Variants in DGKG observed in about 807,000 individuals in gnomAD.
DGKG encodes DAG kinase gamma.
Under a neutral mutation model 105.3 loss-of-function variants are expected in DGKG, and 78 were observed. That is an observed-to-expected ratio of 0.74 (90% CI 0.62 to 0.89). DGKG has a LOEUF of 0.89. DGKG is among the 40% of genes least tolerant of loss of function. DGKG has a pLI of 0.00. For missense variants in DGKG, 958 were observed against 1,020.1 expected (o/e 0.94, Z 0.83); for synonymous variants, 346 against 367.1 (o/e 0.94, Z 0.66).
Position 186,298,189 on chromosome 3 carries a change from T to C in DGKG, c.185A>G (p.Tyr62Cys), listed in dbSNP as rs1264564376. 4 of 1,613,008 alleles carry C rather than the reference T, an allele frequency of 2.5e-6. No individual in the cohort carries two copies. The highest frequency in any genetic ancestry group is 2.5e-6 in the Non-Finnish European group (3 of 1,179,614). The change falls in exon 4 of 25, where the codon TAC becomes TGC. Residue 62 changes from tyrosine to cysteine, a missense_variant. Tyr to Cys is a radical substitution (Grantham distance 194). Around this residue, in one of 2 missense-constraint regions of DGKG, gnomAD observed 643 missense variants for 619.5 expected, o/e 1.04. Coordinates refer to ENST00000265022, the MANE Select transcript of DGKG (RefSeq NM_001346.3). ...YDVFKLFMRA[Y>C]LEVDLPQPLS... ...TGGCTGGGGAAGGTCCACCTCCAGGTACGCCCTCATGAACAGCTTGAAGAC... is the reference window on the plus strand; with the variant it reads ...TGGCTGGGGAAGGTCCACCTCCAGGCACGCCCTCATGAACAGCTTGAAGAC...
intron 19 of DGKG, among the ~76,000 whole-genome samples, chr3:186,249,621 C>T (rs1272527415): frequency 3.3e-5 from 5 of 152,148 alleles, no homozygotes; most frequent in Non-Finnish European, 7.3e-5. Flanking sequence ...GCAGGTGGAT[C>T]GTTTGAGGTC....
At chr3:186,241,100 G>T (rs996478191) in intron 20 of DGKG, among the ~76,000 whole-genome samples, 1 of 152,062 alleles carries the variant, frequency 6.6e-6, no homozygotes. Context: ...CCCACAGATC[G>T]CTCTTTCTGA....
chr3:186,178,405 C>T (rs1165164992), intron 22 of DGKG, among the ~76,000 whole-genome samples: 2 of 152,078 alleles, frequency 1.3e-5, no homozygotes, highest in African/African-American at 4.8e-5. Flanking sequence ...TCAAGATGGG[C>T]AAGTGCAAGA....
intron 12 of DGKG, 74 bp downstream of exon 12, chr3:186,268,727 T>G: frequency 1.8e-6 from 2 of 1,092,688 alleles, no homozygotes; most frequent in South Asian, 2.6e-5. Flanking sequence ...TGGCCGGATA[T>G]TCACTGCTCC....
intron 2 of DGKG, among the ~76,000 whole-genome samples, chr3:186,310,127 C>A (rs1724452336): frequency 6.6e-6 from 1 of 150,576 alleles, no homozygotes; most frequent in African/African-American, 2.4e-5. Flanking sequence ...ATTAGCCGGG[C>A]GTGGTGGCAC....
intron 2 of DGKG, among the ~76,000 whole-genome samples, chr3:186,310,290 C>CAAAAAAAAAA (rs886723244): frequency 5.7e-5 from 4 of 69,842 alleles, no homozygotes; most frequent in Non-Finnish European, 1.1e-4. Flanking sequence ...AAAAAAAAAA[C>CAAAAAAAAAA]CACACACACA....
intron 13 of DGKG, 118 bp downstream of exon 13, chr3:186,267,567 C>A: frequency 1.3e-6 from 1 of 785,770 alleles, no homozygotes; most frequent in South Asian, 1.6e-5. Flanking sequence ...GAAAAGAAAA[C>A]ACAAACCCAA....
intron 24 of DGKG, among the ~76,000 whole-genome samples, chr3:186,154,303 T>C (rs557366961): frequency 6.6e-6 from 1 of 152,138 alleles, no homozygotes; most frequent in East Asian, 1.9e-4. Context: ...GATCCTAGAA[T>C]GTGCTGCTTC....
Position 186,210,376 on chromosome 3 carries a change from G to A in DGKG, c.1917+1419C>T, listed in dbSNP as rs941581526. 6.6e-6 allele frequency among the ~76,000 whole-genome samples: 1 copy of A among 152,214 alleles called. No individual in the cohort carries two copies. Among genetic ancestry groups the A allele is most frequent in the Non-Finnish European group, 1.5e-5 (1 of 68,042 alleles). On this transcript the variant is annotated intron_variant, in intron 21 of 24. Coordinates refer to ENST00000265022, the MANE Select transcript of DGKG (RefSeq NM_001346.3). This position sits in a 1 kb window ranked among gnomAD's most constrained non-coding sequence, Gnocchi z 5.2. ...CTCCTTCCTCAGCTCCCAGCACTGC[G>A]TTCACACGTCAAGAGAGGAGGACCG...
At chr3:186,355,153 T>C (rs981807256) in intron 1 of DGKG, among the ~76,000 whole-genome samples, 1 of 28,334 alleles carries the variant, frequency 3.5e-5, no homozygotes, top group African/African-American at 1.8e-4. Flanking sequence ...CCATTATCAT[T>C]ATCACCACCA....
In DGKG at chr3:186,210,957, G is replaced by T. The variant is rs1016970369; in HGVS notation, c.1917+838C>A. Among the ~76,000 whole-genome samples, 1 of 152,194 alleles carries T rather than the reference G, an allele frequency of 6.6e-6. No individual in the cohort carries two copies. Among genetic ancestry groups the T allele is most frequent in the Non-Finnish European group, 1.5e-5 (1 of 68,032 alleles). The stretch of plus-strand genomic sequence containing the variant: ...GGCTTTCAGGTGGCCAGACACCAAG[G>T]AGCTGTCCTCATGGCAATCAATGAG... On this transcript the variant is annotated intron_variant, in intron 21 of 24. Coordinates refer to ENST00000265022, the MANE Select transcript of DGKG (RefSeq NM_001346.3). This position sits in a 1 kb window ranked among gnomAD's most constrained non-coding sequence, Gnocchi z 5.2.
chr3:186,322,124 T>C (rs1725109725), intron 1 of DGKG, among the ~76,000 whole-genome samples: 1 of 152,218 alleles, frequency 6.6e-6, no homozygotes, highest in Admixed American at 6.5e-5. Context: ...CCTCTTCTTT[T>C]GCCATCTTTA....
chr3:186,211,180 G>C (rs1269282002), intron 21 of DGKG, among the ~76,000 whole-genome samples: 3 of 152,196 alleles, frequency 2.0e-5, no homozygotes, highest in Non-Finnish European at 4.4e-5. Context: ...GAAAATGCCA[G>C]CTTCTTTGTT....
intron 4 of DGKG, 102 bp downstream of exon 4, chr3:186,297,962 C>A (rs1490997439): frequency 3.5e-5 from 48 of 1,361,548 alleles, no homozygotes; most frequent in Non-Finnish European, 6.0e-6. Context: ...ACCGTTGGGG[C>A]AGTTACTATG....
At chr3:186,264,782 C>G (rs1006715041) in intron 14 of DGKG, among the ~76,000 whole-genome samples, 1 of 151,968 alleles carries the variant, frequency 6.6e-6, no homozygotes, top group Non-Finnish European at 1.5e-5. Context: ...GTGGAAGACA[C>G]AAAAAATGTT....
chr3:186,188,815 A>T (rs138265548), intron 21 of DGKG, among the ~76,000 whole-genome samples: 95 of 152,034 alleles, frequency 6.2e-4, no homozygotes, highest in African/African-American at 2.3e-3. Context: ...AAATTTTCAT[A>T]TATATATATA....
At chr3:186,316,464 A>G (rs1724824566) in intron 2 of DGKG, among the ~76,000 whole-genome samples, 1 of 152,224 alleles carries the variant, frequency 6.6e-6, no homozygotes, top group Non-Finnish European at 1.5e-5. Flanking sequence ...AGTGCTGGTT[A>G]TCACTGGAAA....
chr3:186,234,981 CCAA>C lies in DGKG; in HGVS notation c.1826+7520_1826+7522del, dbSNP rs76024805. 1.0e-3 allele frequency among the ~76,000 whole-genome samples: 152 copies of C among 151,798 alleles called. 2 individuals carry two copies. Among genetic ancestry groups the C allele is most frequent in the Non-Finnish European group, 1.7e-3 (118 of 67,930 alleles). On this transcript the variant is annotated intron_variant, in intron 20 of 24. Coordinates refer to ENST00000265022, the MANE Select transcript of DGKG (RefSeq NM_001346.3). Reference sequence around the variant, plus strand: ...TAATCAAGAGTTAACTATAAACAATCCAACAACAACAACAAAAAACCCTGGACT... The same window carrying C: ...TAATCAAGAGTTAACTATAAACAATCCAACAACAACAAAAAACCCTGGACT...
chr3:186,350,388 C>A (rs1726569859), intron 1 of DGKG, among the ~76,000 whole-genome samples: 1 of 152,054 alleles, frequency 6.6e-6, no homozygotes, highest in Non-Finnish European at 1.5e-5. Context: ...GTAATGTTTT[C>A]AAGGTTGCAT....
Sources: allele counts gnomAD v4.1 joint callset (sites outside exome capture counted in the v4.1 genomes callset), GRCh38; gene constraint gnomAD v4.1.1; regional missense constraint gnomAD v4.1.1; non-coding constraint Gnocchi (gnomAD v3.1); transcripts MANE v1.5; gene names NCBI Gene and HGNC (gene_info 2026-07-23, HGNC 2026-07-21).